TINAG: variants seen among roughly 807,000 people sequenced by gnomAD.
The protein encoded by TINAG is tubulointerstitial nephritis antigen.
TINAG carries 83 observed loss-of-function variants against 72.7 expected under a neutral mutation model. The ratio of observed to expected loss-of-function variants is 1.14; its 90% CI spans 0.96 to 1.37. The LOEUF (loss-of-function observed/expected upper bound fraction) is 1.37. Among genes scored for constraint, TINAG ranks in the 40% most tolerant of loss-of-function variants. TINAG has a pLI of 0.00. For missense variants in TINAG, 685 were observed against 576.6 expected (o/e 1.19, Z -1.93); for synonymous variants, 234 against 189.9 (o/e 1.23, Z -1.91).
intron 10 of TINAG, among the ~76,000 whole-genome samples, chr6:54,384,666 T>G (rs1234414005): frequency 6.6e-6 from 1 of 151,932 alleles, no homozygotes. Flanking sequence ...AAATACAAAA[T>G]TAAAGCACGT....
chr6:54,328,073 T>C (rs1417605756), intron 4 of TINAG, among the ~76,000 whole-genome samples: 1 of 152,094 alleles, frequency 6.6e-6, no homozygotes, highest in African/African-American at 2.4e-5. Flanking sequence ...GTCTGCCAGA[T>C]CTGAAGAGAG....
At chr6:54,346,065 A>C (rs1446945987) in intron 5 of TINAG, among the ~76,000 whole-genome samples, 1 of 152,100 alleles carries the variant, frequency 6.6e-6, no homozygotes, top group Non-Finnish European at 1.5e-5. Flanking sequence ...CCAGATATTC[A>C]ACAAGACTGT....
chr6:54,327,078 C>T (rs1356976330), intron 4 of TINAG, 162 bp downstream of exon 4: 3 of 1,546,754 alleles, frequency 1.9e-6, no homozygotes, highest in African/African-American at 1.4e-5. Flanking sequence ...TTGTTAAACC[C>T]CTCAAAAGTT....
chr6:54,347,415 C>A lies in TINAG; in HGVS notation c.797C>A (p.Ala266Asp), dbSNP rs1341597665. The A allele has an allele frequency of 1.9e-6, 3 of 1,613,250 alleles. No individual in the cohort carries two copies. The highest frequency in any genetic ancestry group is 2.5e-6 in the Non-Finnish European group (3 of 1,179,554). ...IAIQSKGRYTANLSPQNLISC... is the reference protein window; with the variant it reads ...IAIQSKGRYTDNLSPQNLISC... ...ATTCAGTCTAAGGGTCGATACACGGCCAATCTATCCCCTCAGAATTTGATC... is the reference window on the plus strand; with the variant it reads ...ATTCAGTCTAAGGGTCGATACACGGACAATCTATCCCCTCAGAATTTGATC... Residue 266 changes from alanine (A) to aspartate (D), a missense_variant, in exon 6 of 11, where the codon GCC becomes GAC. Ala to Asp is a moderately radical substitution (Grantham distance 126). Transcript: ENST00000259782.
intron 9 of TINAG, among the ~76,000 whole-genome samples, chr6:54,363,186 TGTAGACTATATCAC>T (rs1763292715): frequency 6.6e-6 from 1 of 151,600 alleles, no homozygotes; most frequent in Non-Finnish European, 1.5e-5. Flanking sequence ...TGGCAGGACT[TGTAGACTATATCAC>T]AGATTTTTGT....
At chr6:54,352,515 G>A (rs1045584492) in intron 8 of TINAG, among the ~76,000 whole-genome samples, 3 of 151,682 alleles carry the variant, frequency 2.0e-5, no homozygotes, top group Non-Finnish European at 3.0e-5. Context: ...TTATTTGTTG[G>A]TTATTTGAAG....
At chr6:54,311,240 G>A (rs1158310786) in intron 1 of TINAG, among the ~76,000 whole-genome samples, 1 of 152,108 alleles carries the variant, frequency 6.6e-6, no homozygotes, top group African/African-American at 2.4e-5. Context: ...TGACTAGTCT[G>A]TGGCTTCTGA....
At chr6:54,353,408 A>G (rs929234743) in intron 8 of TINAG, among the ~76,000 whole-genome samples, 4 of 151,888 alleles carry the variant, frequency 2.6e-5, no homozygotes, top group African/African-American at 9.7e-5. Flanking sequence ...TCAGTACGAA[A>G]GAGTGTAAAA....
intron 4 of TINAG, among the ~76,000 whole-genome samples, chr6:54,330,232 C>G (rs181349682): frequency 7.0e-4 from 106 of 152,252 alleles, no homozygotes; most frequent in African/African-American, 2.4e-3. Flanking sequence ...TAAAACACTC[C>G]TCAGCATTTG....
chr6:54,337,760 C>T (rs1284931099), intron 4 of TINAG, among the ~76,000 whole-genome samples: 4 of 152,120 alleles, frequency 2.6e-5, no homozygotes, highest in Non-Finnish European at 2.9e-5. Context: ...GTTTAGCTCC[C>T]ACACACATGA....
chr6:54,345,640 G>T (rs1785103066), intron 5 of TINAG, among the ~76,000 whole-genome samples: 1 of 152,074 alleles, frequency 6.6e-6, no homozygotes, highest in East Asian at 1.9e-4. Context: ...TTTCCTTGAT[G>T]AAATGGGGAA....
intron 9 of TINAG, among the ~76,000 whole-genome samples, chr6:54,366,138 A>C (rs545443962): frequency 7.6e-4 from 115 of 151,754 alleles, no homozygotes; most frequent in African/African-American, 2.7e-3. Context: ...GGTGGGAATT[A>C]TTATTTCATT....
In TINAG at chr6:54,329,904, A is replaced by G. The variant is rs75454535; in HGVS notation, c.624+2988A>G. ...GCATTACATAATGGTAAGGGGATCA[A>G]GGCAACAAGAAGAACTAACTATCAT... On this transcript the variant is annotated intron_variant, in intron 4 of 10. Coordinates refer to ENST00000259782, the MANE Select transcript of TINAG (RefSeq NM_014464.4). Among the ~76,000 whole-genome samples the G allele has an allele frequency of 6.9e-3, 1,054 of 152,354 alleles. 10 individuals are homozygous for G. The highest frequency in any genetic ancestry group is 0.022 in the African/African-American group (915 of 41,578).
chr6:54,339,317 CT>C (rs1784942773), intron 4 of TINAG, among the ~76,000 whole-genome samples: 1 of 152,178 alleles, frequency 6.6e-6, no homozygotes, highest in African/African-American at 2.4e-5. Flanking sequence ...ACACTTCATT[CT>C]TCTTGTCCTT....
rs181703241 is a variant in TINAG, at chr6:54,362,552, A to G, written c.1250+7916A>G. ...CACCTAAGAGCTCTGATGGAGATGT[A>G]CAAGGAGATTAATGTTGTCTTCATG... On this transcript the variant is annotated intron_variant, in intron 9 of 10. Transcript: ENST00000259782. Among the ~76,000 whole-genome samples the G allele has an allele frequency of 3.7e-4, 56 of 151,824 alleles. 2 individuals are homozygous for G. Among genetic ancestry groups the G allele is most frequent in the Admixed American group, 2.2e-3 (33 of 15,176 alleles).
intron 4 of TINAG, among the ~76,000 whole-genome samples, chr6:54,338,780 A>G (rs1256010646): frequency 6.6e-6 from 1 of 151,616 alleles, no homozygotes; most frequent in East Asian, 1.9e-4. Context: ...TAAAAATGAT[A>G]TGATGTAAAT....
Position 54,390,130 on chromosome 6 carries a change from G to A in TINAG, c.*205G>A, listed in dbSNP as rs115645370. On this transcript the variant is annotated 3_prime_UTR_variant, in exon 11 of 11. Coordinates refer to ENST00000259782, the MANE Select transcript of TINAG (RefSeq NM_014464.4). ...AACAACACCAATAAAGGACAGCAGAGTCCCTAAATGTCTTTAAAGTTCCCA... is the reference window on the plus strand; with the variant it reads ...AACAACACCAATAAAGGACAGCAGAATCCCTAAATGTCTTTAAAGTTCCCA... 7 of 597,382 alleles carry A rather than the reference G, an allele frequency of 1.2e-5. No homozygotes were observed. Among genetic ancestry groups the A allele is most frequent in the Non-Finnish European group, 7.9e-6 (3 of 378,728 alleles). The allele number at this position is 597,382 out of a possible 1,614,324, so 37.0% of individuals were successfully genotyped here.
intron 4 of TINAG, 117 bp downstream of exon 4, chr6:54,327,033 T>G: frequency 6.5e-7 from 1 of 1,546,778 alleles, no homozygotes; most frequent in Non-Finnish European, 8.7e-7. Context: ...AGTCATAATT[T>G]TGTCACATAA....
chr6:54,376,380 A>G (rs1349843682), intron 9 of TINAG, among the ~76,000 whole-genome samples: 2 of 152,164 alleles, frequency 1.3e-5, no homozygotes, highest in African/African-American at 4.8e-5. Context: ...CAGGTGTAGT[A>G]TACAAGAGAG....
Sources: allele counts gnomAD v4.1 joint callset (sites outside exome capture counted in the v4.1 genomes callset), GRCh38; gene constraint gnomAD v4.1.1; transcripts MANE v1.5; gene names NCBI Gene and HGNC (gene_info 2026-07-23, HGNC 2026-07-21).